The following NPAS3 variants were observed in gnomAD, a reference collection of about 807,000 sequenced individuals.
NPAS3 encodes neuronal PAS domain protein 3.
NPAS3 carries 14 observed loss-of-function variants against 73.1 expected under a neutral mutation model. That is an observed-to-expected ratio of 0.19 (90% CI 0.13 to 0.30). NPAS3 has a LOEUF of 0.30. NPAS3 is among the 10% of genes least tolerant of loss of function. The pLI is 1.00. For missense variants in NPAS3, 1,096 were observed against 1,250.0 expected (o/e 0.88, Z 1.86); for synonymous variants, 620 against 541.5 (o/e 1.14, Z -2.01).
chr14:33,131,207 T>G (rs2043623438), intron 2 of NPAS3, among the ~76,000 whole-genome samples: 1 of 152,158 alleles, frequency 6.6e-6, no homozygotes, highest in Non-Finnish European at 1.5e-5. Flanking sequence ...CTCTCTTGTG[T>G]AGTAAAATTT....
At chr14:33,511,491 A>G (rs2053049077) in intron 4 of NPAS3, among the ~76,000 whole-genome samples, 1 of 152,128 alleles carries the variant, frequency 6.6e-6, no homozygotes, top group African/African-American at 2.4e-5. Context: ...GATATAAAAC[A>G]GCACAAAAAT....
chr14:33,146,967 C>A (rs1294079384), intron 2 of NPAS3, among the ~76,000 whole-genome samples: 7 of 152,026 alleles, frequency 4.6e-5, no homozygotes, highest in Admixed American at 3.9e-4. Flanking sequence ...TGCTACATAT[C>A]TTTTTTGTAA....
At chr14:33,211,721 G>C (rs1256884210) in intron 2 of NPAS3, among the ~76,000 whole-genome samples, 1 of 152,132 alleles carries the variant, frequency 6.6e-6, no homozygotes, top group Non-Finnish European at 1.5e-5. Flanking sequence ...ACATATATGT[G>C]TGTGTGTGTT....
chr14:33,340,457 T>G (rs914821871), intron 3 of NPAS3, among the ~76,000 whole-genome samples: 6 of 152,252 alleles, frequency 3.9e-5, no homozygotes, highest in African/African-American at 1.4e-4. Context: ...ATCGTGCCAC[T>G]GCACTCCAGC....
At chr14:33,554,115 T>C (rs1344405309) in intron 4 of NPAS3, among the ~76,000 whole-genome samples, 2 of 152,234 alleles carry the variant, frequency 1.3e-5, no homozygotes, top group East Asian at 3.8e-4. Flanking sequence ...GCTTCTCATA[T>C]GGCTCAAGGG....
chr14:32,953,049 C>T (rs1008696658), intron 1 of NPAS3, among the ~76,000 whole-genome samples: 4 of 147,872 alleles, frequency 2.7e-5, no homozygotes, highest in Admixed American at 6.9e-5. Flanking sequence ...CCAGCCTGGG[C>T]AACAGAGTGA....
chr14:33,725,260 T>A (rs985021805), intron 6 of NPAS3, among the ~76,000 whole-genome samples: 6 of 151,924 alleles, frequency 3.9e-5, no homozygotes, highest in Non-Finnish European at 7.4e-5. Context: ...ACTTGAAGTA[T>A]AATAAAAAAT....
At chr14:33,610,508 CA>C (rs1360454500) in intron 5 of NPAS3, among the ~76,000 whole-genome samples, 4 of 151,616 alleles carry the variant, frequency 2.6e-5, no homozygotes, top group East Asian at 1.9e-4. Context: ...TCTTGTATGA[CA>C]AAAAAACAAA....
At chr14:33,082,542 A>G (rs761386734) in intron 2 of NPAS3, among the ~76,000 whole-genome samples, 24 of 152,280 alleles carry the variant, frequency 1.6e-4, no homozygotes, top group Non-Finnish European at 2.8e-4. Flanking sequence ...TGTGAATTTT[A>G]TGTTGTGACG....
At chr14:33,682,870 T>C (rs893293959) in intron 6 of NPAS3, among the ~76,000 whole-genome samples, 1 of 152,190 alleles carries the variant, frequency 6.6e-6, no homozygotes, top group African/African-American at 2.4e-5. Flanking sequence ...CCTGGCCCGA[T>C]AGCTGAGCTC....
intron 1 of NPAS3, among the ~76,000 whole-genome samples, chr14:33,005,971 T>C (rs2038988502): frequency 6.6e-6 from 1 of 152,138 alleles, no homozygotes; most frequent in Non-Finnish European, 1.5e-5. Context: ...TGGAAGCATG[T>C]AACTCCCTCC....
intron 1 of NPAS3, among the ~76,000 whole-genome samples, chr14:33,044,313 C>T (rs2040433464): frequency 6.6e-6 from 1 of 152,140 alleles, no homozygotes; most frequent in Non-Finnish European, 1.5e-5. Flanking sequence ...AGTTAGTTCT[C>T]AGTCTTCATT....
chr14:33,155,291 T>C (rs1257045392), intron 2 of NPAS3, among the ~76,000 whole-genome samples: 1 of 152,256 alleles, frequency 6.6e-6, no homozygotes, highest in African/African-American at 2.4e-5. Context: ...ACAACTCTCA[T>C]GTATTCCATT....
chr14:33,177,340 C>T (rs1172618053), intron 2 of NPAS3, among the ~76,000 whole-genome samples: 1 of 151,976 alleles, frequency 6.6e-6, no homozygotes, highest in Non-Finnish European at 1.5e-5. Flanking sequence ...TCGTGATTCA[C>T]CTGCCTCGGC....
At chr14:33,703,907 A>G (rs2060588991) in intron 6 of NPAS3, among the ~76,000 whole-genome samples, 1 of 152,212 alleles carries the variant, frequency 6.6e-6, no homozygotes, top group African/African-American at 2.4e-5. Context: ...CCCAGAGCCC[A>G]TGTTCTCCAC....
intron 3 of NPAS3, among the ~76,000 whole-genome samples, chr14:33,305,821 G>A (rs4007518): frequency 0.79 from 120,301 of 152,074 alleles, 48,387 homozygotes; most frequent in African/African-American, 0.93. Flanking sequence ...GAAAAAATGT[G>A]TCCACCAAAA....
In NPAS3 at chr14:33,712,504, A is replaced by G. The variant is rs184104162; in HGVS notation, c.734-22710A>G. Reference sequence around the variant, plus strand: ...AAAGCCAGTTCCTGCACCTTGAGCAAATGCACAACTTTTTTAGTGTTAAGG... The same window carrying G: ...AAAGCCAGTTCCTGCACCTTGAGCAGATGCACAACTTTTTTAGTGTTAAGG... On this transcript the variant is annotated intron_variant, in intron 6 of 11. Transcript: ENST00000356141. Among the ~76,000 whole-genome samples the G allele has an allele frequency of 3.9e-5, 6 of 152,336 alleles. No homozygotes were observed. In the East Asian group the frequency reaches 1.2e-3, roughly 29 times the overall value.
At chr14:33,050,712 A>G (rs542352127) in intron 1 of NPAS3, among the ~76,000 whole-genome samples, 1 of 152,382 alleles carries the variant, frequency 6.6e-6, no homozygotes, top group African/African-American at 2.4e-5. Flanking sequence ...AAGTCTTAAA[A>G]GATCACAGTG....
At chr14:33,697,306 G>A (rs1006443942) in intron 6 of NPAS3, among the ~76,000 whole-genome samples, 3 of 152,156 alleles carry the variant, frequency 2.0e-5, no homozygotes, top group Non-Finnish European at 4.4e-5. Flanking sequence ...AGGCAGCTTG[G>A]ACTCACACAG....
Sources: allele counts gnomAD v4.1 joint callset (sites outside exome capture counted in the v4.1 genomes callset), GRCh38; gene constraint gnomAD v4.1.1; transcripts MANE v1.5; gene names NCBI Gene and HGNC (gene_info 2026-07-23, HGNC 2026-07-21).